The following DPYSL3 variants were observed in gnomAD, a reference collection of about 807,000 sequenced individuals.
DPYSL3 encodes dihydropyrimidinase-related protein 3.
In DPYSL3, 16 loss-of-function variants were observed where a neutral mutation model predicts 66.1. That is an observed-to-expected ratio of 0.24 (90% CI 0.16 to 0.37). The LOEUF (loss-of-function observed/expected upper bound fraction) is 0.37, where lower values mean the gene tolerates loss of function less well. DPYSL3 is among the 10% of genes least tolerant of loss of function. DPYSL3 has a pLI of 1.00. For synonymous variants in DPYSL3, 338 were observed against 345.1 expected (o/e 0.98, Z 0.23); for missense variants, 738 against 916.2 (o/e 0.81, Z 2.51).
In DPYSL3 at chr5:147,491,621, TA is replaced by T. The variant is rs544885767; in HGVS notation, c.381+17856del. Among the ~76,000 whole-genome samples, 299 of 151,348 alleles carry T rather than the reference TA, an allele frequency of 2.0e-3. 4 individuals are homozygous for T. Among genetic ancestry groups the T allele is most frequent in the East Asian group, 0.011 (56 of 5,118 alleles). On this transcript the variant is annotated intron_variant, in intron 1 of 13. Coordinates refer to ENST00000343218, the MANE Select transcript of DPYSL3 (RefSeq NM_001197294.2). ...AACAGTCAAAAAGAAATGCTAGAGA[TA>T]AAAAAAATACTGCAACATTAATGAC...
chr5:147,481,737 G>T (rs1211691561), intron 1 of DPYSL3, among the ~76,000 whole-genome samples: 3 of 152,116 alleles, frequency 2.0e-5, no homozygotes, highest in Non-Finnish European at 4.4e-5. Flanking sequence ...GCTCATTTTT[G>T]CCTCTCTTGC....
At chr5:147,399,289 C>A in intron 10 of DPYSL3, 37 bp from the exon 11 acceptor site, 1 of 1,596,450 alleles carries the variant, frequency 6.3e-7, no homozygotes, top group Admixed American at 1.7e-5. Context: ...ATATCTATAG[C>A]TACATATATA....
At chr5:147,405,895 C>A in intron 7 of DPYSL3, 165 bp from the exon 8 acceptor site, 1 of 801,094 alleles carries the variant, frequency 1.2e-6, no homozygotes, top group Non-Finnish European at 1.9e-6. Flanking sequence ...CTACCACTTC[C>A]TAACTGTGTC....
At chr5:147,405,540 A>G in intron 8 of DPYSL3, 70 bp downstream of exon 8, 1 of 1,529,518 alleles carries the variant, frequency 6.5e-7, no homozygotes, top group Non-Finnish European at 8.8e-7. Flanking sequence ...TATATTACAC[A>G]GGACAACCAG....
intron 2 of DPYSL3, among the ~76,000 whole-genome samples, chr5:147,419,441 A>G (rs1166476168): frequency 6.6e-6 from 1 of 152,234 alleles, no homozygotes; most frequent in African/African-American, 2.4e-5. Context: ...AAGGAAAGTG[A>G]CAAATACAAC....
intron 1 of DPYSL3, among the ~76,000 whole-genome samples, chr5:147,443,593 G>T (rs1047820492): frequency 1.4e-5 from 2 of 143,220 alleles, no homozygotes; most frequent in African/African-American, 5.1e-5. Flanking sequence ...CATGTATCCC[G>T]TTTTTTTTTT....
chr5:147,462,185 C>T (rs1316166394), intron 1 of DPYSL3, among the ~76,000 whole-genome samples: 2 of 152,088 alleles, frequency 1.3e-5, no homozygotes, highest in Non-Finnish European at 2.9e-5. Flanking sequence ...TTGTACATAG[C>T]CACTGACCTA....
At chr5:147,472,137 G>T (rs991678747) in intron 1 of DPYSL3, among the ~76,000 whole-genome samples, 4 of 152,116 alleles carry the variant, frequency 2.6e-5, no homozygotes, top group African/African-American at 9.7e-5. Flanking sequence ...ATAGAGCTCC[G>T]ACTTCTAATC....
chr5:147,460,419 C>T (rs190656099), intron 1 of DPYSL3, among the ~76,000 whole-genome samples: 1 of 152,300 alleles, frequency 6.6e-6, no homozygotes, highest in Non-Finnish European at 1.5e-5. Context: ...CTAGTGTGTA[C>T]CATTCCCCAA....
chr5:147,455,044 C>T (rs547054324), intron 1 of DPYSL3, among the ~76,000 whole-genome samples: 63 of 152,322 alleles, frequency 4.1e-4, no homozygotes, highest in African/African-American at 1.5e-3. Context: ...AAATAGAAAT[C>T]CTGTATGTCA....
At chr5:147,452,853 G>T (rs1021356961) in intron 1 of DPYSL3, among the ~76,000 whole-genome samples, 1 of 141,166 alleles carries the variant, frequency 7.1e-6, no homozygotes, top group African/African-American at 2.6e-5. Flanking sequence ...AGGGAGAAAA[G>T]AAATGAAAAA....
chr5:147,475,643 C>T lies in DPYSL3; in HGVS notation c.381+33835G>A, dbSNP rs928111740. On this transcript the variant is annotated intron_variant, in intron 1 of 13. Coordinates refer to ENST00000343218, the MANE Select transcript of DPYSL3 (RefSeq NM_001197294.2). ...GATGAAAGCAGAGCCTCAAAGTTAA[C>T]GTATAAATAGAAACTAAATTACAGA... is the stretch of plus-strand genomic sequence containing the variant. 1.1e-4 allele frequency among the ~76,000 whole-genome samples: 17 copies of T among 152,064 alleles called. No homozygotes were observed. In the East Asian group the frequency reaches 2.3e-3, roughly 21 times the overall value.
intron 1 of DPYSL3, among the ~76,000 whole-genome samples, chr5:147,434,499 A>C (rs1374359451): frequency 1.3e-5 from 2 of 152,210 alleles, no homozygotes; most frequent in African/African-American, 4.8e-5. Context: ...TTCCATCAGG[A>C]AGAAGTGCCT....
intron 6 of DPYSL3, among the ~76,000 whole-genome samples, chr5:147,410,835 T>C (rs1192833144): frequency 6.6e-6 from 1 of 152,162 alleles, no homozygotes. Context: ...TCAAGCTGAA[T>C]TTAATAAACA....
At chr5:147,433,642 T>G (rs1407406146) in intron 1 of DPYSL3, among the ~76,000 whole-genome samples, 2 of 152,174 alleles carry the variant, frequency 1.3e-5, no homozygotes, top group African/African-American at 2.4e-5. Context: ...TAAATCTTTC[T>G]AAAAAGGTAC....
chr5:147,495,487 A>T (rs1422555659), intron 1 of DPYSL3, among the ~76,000 whole-genome samples: 2 of 152,206 alleles, frequency 1.3e-5, no homozygotes, highest in African/African-American at 4.8e-5. Context: ...ATGATTGTAT[A>T]TCTAGAAAAC....
At chr5:147,507,251 T>A (rs1410525703) in intron 1 of DPYSL3, among the ~76,000 whole-genome samples, 1 of 152,122 alleles carries the variant, frequency 6.6e-6, no homozygotes, top group Non-Finnish European at 1.5e-5. Flanking sequence ...TTAAAATGTC[T>A]CATAATAAGG....
chr5:147,440,308 TA>T (rs1291853649), intron 1 of DPYSL3, among the ~76,000 whole-genome samples: 1 of 152,024 alleles, frequency 6.6e-6, no homozygotes, highest in Non-Finnish European at 1.5e-5. Flanking sequence ...ACCTCAAAAA[TA>T]AAAACAAAAA....
At chr5:147,398,248 C>T (rs1423795405) in intron 11 of DPYSL3, among the ~76,000 whole-genome samples, 2 of 152,134 alleles carry the variant, frequency 1.3e-5, no homozygotes, top group Non-Finnish European at 2.9e-5. Context: ...TAAGCAAAGG[C>T]CATTGCCACC....
Sources: allele counts gnomAD v4.1 joint callset (sites outside exome capture counted in the v4.1 genomes callset), GRCh38; gene constraint gnomAD v4.1.1; transcripts MANE v1.5; gene names NCBI Gene and HGNC (gene_info 2026-07-23, HGNC 2026-07-21).